PRELID2: variants seen among roughly 807,000 people sequenced by gnomAD.
PRELID2 encodes PRELI domain-containing protein 2.
PRELID2 carries 25 observed loss-of-function variants against 28.4 expected under a neutral mutation model. That is an observed-to-expected ratio of 0.88 (90% CI 0.64 to 1.23). The LOEUF is 1.23. PRELID2 is among the 50% of genes most tolerant of loss of function. PRELID2 has a pLI of 0.00. For missense variants in PRELID2, 201 were observed against 214.4 expected (o/e 0.94, Z 0.39); for synonymous variants, 76 against 71.6 (o/e 1.06, Z -0.31).
At chr5:145,472,379 TCA>T (rs1228860609) in intron 2 of PRELID2, among the ~76,000 whole-genome samples, 2 of 152,076 alleles carry the variant, frequency 1.3e-5, no homozygotes, top group Non-Finnish European at 2.9e-5. Flanking sequence ...TCTTCATTTT[TCA>T]CAAGAGGAAA....
At chr5:145,705,365 G>T (rs980367353) in intron 1 of PRELID2, among the ~76,000 whole-genome samples, 94 of 134,296 alleles carry the variant, frequency 7.0e-4, no homozygotes, top group African/African-American at 2.4e-3. Context: ...TAATTTTTGT[G>T]GGTTTTTTTT....
In PRELID2 at chr5:145,820,034, T is replaced by G; in HGVS notation, c.134-16A>C. On this transcript the variant is annotated splice_polypyrimidine_tract_variant and intron_variant, in intron 2 of 6. Transcript: ENST00000683046. ...GTTGATTCATCTAAAAAAGAAATTT[T>G]TTTACACAAAAAAAAATTAAAGAAA... The G allele has an allele frequency of 2.1e-6, 3 of 1,458,636 alleles. No individual in the cohort carries two copies. Among genetic ancestry groups the G allele is most frequent in the Non-Finnish European group, 2.8e-6 (3 of 1,055,528 alleles). 90.4% of individuals were successfully genotyped at this position (1,458,636 alleles called of 1,614,324 possible).
intron 1 of PRELID2, among the ~76,000 whole-genome samples, chr5:145,593,918 C>T (rs1753266014): frequency 6.6e-6 from 1 of 152,140 alleles, no homozygotes; most frequent in African/African-American, 2.4e-5. Context: ...GAACCTTGAA[C>T]ACTAATGATA....
At chr5:145,688,054 A>G (rs1455399503) in intron 1 of PRELID2, among the ~76,000 whole-genome samples, 2 of 152,202 alleles carry the variant, frequency 1.3e-5, no homozygotes, top group African/African-American at 2.4e-5. Flanking sequence ...GGCATCCTGA[A>G]ATCATATATG....
At chr5:145,515,839 C>T (rs915309750) in intron 1 of PRELID2, among the ~76,000 whole-genome samples, 35 of 152,100 alleles carry the variant, frequency 2.3e-4, no homozygotes, top group African/African-American at 8.0e-4. Flanking sequence ...GTTCAGCATA[C>T]CTAAAACAAT....
chr5:145,356,681 C>T, the PRELID2 span, among the ~76,000 whole-genome samples: 10 of 152,108 alleles, frequency 6.6e-5, no homozygotes, highest in South Asian at 6.2e-4. Context: ...GAGATGCATA[C>T]GCTGTAGACA....
intron 1 of PRELID2, among the ~76,000 whole-genome samples, chr5:145,688,476 G>T (rs1271157720): frequency 6.6e-6 from 1 of 152,152 alleles, no homozygotes; most frequent in East Asian, 1.9e-4. Flanking sequence ...CTCTCAAGCA[G>T]CTTGCAGTCC....
intron 1 of PRELID2, among the ~76,000 whole-genome samples, chr5:145,688,269 G>T (rs1755076256): frequency 6.6e-6 from 1 of 152,258 alleles, no homozygotes; most frequent in African/African-American, 2.4e-5. Context: ...TCTGACTTTG[G>T]CAATTTTCAC....
chr5:145,485,111 C>T (rs906186651), intron 1 of PRELID2, among the ~76,000 whole-genome samples: 1 of 152,154 alleles, frequency 6.6e-6, no homozygotes, highest in Non-Finnish European at 1.5e-5. Flanking sequence ...TAACTTCAAA[C>T]AGTCATACAT....
At chr5:145,495,406 A>C (rs1345698) in intron 1 of PRELID2, among the ~76,000 whole-genome samples, 93,324 of 152,036 alleles carry the variant, frequency 0.61, 29,883 homozygotes, top group East Asian at 1. Context: ...GCATTTAGTC[A>C]ATCCAAGCTT....
At chr5:145,537,414 T>A (rs1435514591) in intron 1 of PRELID2, among the ~76,000 whole-genome samples, 2 of 151,878 alleles carry the variant, frequency 1.3e-5, no homozygotes, top group Admixed American at 6.6e-5. Flanking sequence ...CTTCCATAAC[T>A]ATACTAGTTT....
At chr5:145,398,775 G>C in the PRELID2 span, among the ~76,000 whole-genome samples, 2 of 151,988 alleles carry the variant, frequency 1.3e-5, no homozygotes, top group African/African-American at 4.8e-5. Flanking sequence ...ACGAAACCAA[G>C]AAGAAAACAA....
the PRELID2 span, among the ~76,000 whole-genome samples, chr5:145,371,988 GC>G: frequency 1.3e-5 from 2 of 151,202 alleles, no homozygotes; most frequent in African/African-American, 4.9e-5. Flanking sequence ...TCTTCTGCTA[GC>G]TTTGGGATTA....
the PRELID2 span, among the ~76,000 whole-genome samples, chr5:145,262,398 G>A: frequency 4.0e-5 from 6 of 151,692 alleles, 1 homozygote; most frequent in Admixed American, 3.3e-4. Context: ...GTTATCTAAA[G>A]AAAAAATGAA....
the PRELID2 span, among the ~76,000 whole-genome samples, chr5:145,280,803 GAAAA>G: frequency 7.0e-6 from 1 of 142,904 alleles, no homozygotes. Flanking sequence ...ATTGATTCAT[GAAAA>G]AAAAAAAAAA....
At chr5:145,257,109 A>G in the PRELID2 span, among the ~76,000 whole-genome samples, 1 of 152,052 alleles carries the variant, frequency 6.6e-6, no homozygotes, top group Non-Finnish European at 1.5e-5. Context: ...ATTATTCTTA[A>G]TGTACTATAT....
At chr5:145,673,901 GAACA>G (rs1754761127) in intron 1 of PRELID2, among the ~76,000 whole-genome samples, 1 of 152,068 alleles carries the variant, frequency 6.6e-6, no homozygotes, top group East Asian at 1.9e-4. Flanking sequence ...AAGCAGACTT[GAACA>G]AATAAGAAGG....
intron 4 of PRELID2, among the ~76,000 whole-genome samples, chr5:145,801,073 A>G (rs909187981): frequency 6.6e-6 from 1 of 152,168 alleles, no homozygotes; most frequent in Non-Finnish European, 1.5e-5. Flanking sequence ...TTAGAATTAT[A>G]TATGTTATTT....
rs117757841 is a variant in PRELID2 at position 145,586,829 on chromosome 5, A to G, written n.71-113514T>C. 2.1e-3 allele frequency among the ~76,000 whole-genome samples: 314 copies of G among 152,274 alleles called. 4 individuals carry two copies. The East Asian group carries it at 0.033, about 16-fold the overall frequency. ...TTACATAACTTGTTTGAGTTCAAAT[A>G]TATAGATGGTTATAAAGCCAGGATT... On this transcript the variant is annotated intron_variant and non_coding_transcript_variant, in intron 1 of 2. Coordinates refer to the PRELID2 transcript ENST00000510259.
Sources: gnomAD v4.1 joint callset for allele counts (sites outside exome capture counted in the v4.1 genomes callset) on GRCh38, gnomAD v4.1.1 for gene constraint, MANE v1.5 for transcripts, NCBI Gene and HGNC (gene_info 2026-07-23, HGNC 2026-07-21) for gene names.